Variants in CFAP70 observed in about 807,000 individuals in gnomAD.
CFAP70 encodes cilia- and flagella-associated protein 70.
CFAP70 carries 81 observed loss-of-function variants against 137.6 expected under a neutral mutation model. The observed-to-expected ratio is 0.59, with a 90% confidence interval of 0.49 to 0.71. The LOEUF is 0.71. CFAP70 is among the 30% of genes least tolerant of loss of function. The pLI is 0.00. For synonymous variants in CFAP70, 382 were observed against 423.6 expected, an observed-to-expected ratio of 0.90 and a Z score of 1.20; for missense variants, 976 against 1,226.7, an observed-to-expected ratio of 0.80 and a Z score of 3.05.
In CFAP70 at chr10:73,278,340, A is replaced by C; in HGVS notation, c.2240-3T>G. The stretch of plus-strand genomic sequence containing the variant: ...AATAGATAATGCAGCTCCTGGTCCT[A>C]AATAGATTACATTTTAATGAAAAAT... On this transcript the variant is annotated splice_polypyrimidine_tract_variant and splice_region_variant and intron_variant, in intron 19 of 26. Coordinates refer to ENST00000310715, the Ensembl canonical transcript of CFAP70. The C allele has an allele frequency of 1.9e-6, 3 of 1,606,244 alleles. No homozygotes were observed. The highest frequency in any genetic ancestry group is 2.5e-6 in the Non-Finnish European group (3 of 1,176,814).
intron 18 of CFAP70, 48 bp from the exon 20 acceptor site, chr10:73,291,492 C>A: frequency 6.4e-7 from 1 of 1,563,196 alleles, no homozygotes; most frequent in South Asian, 1.1e-5. Flanking sequence ...TTCCCACTAT[C>A]ATATACTAAA....
intron 19 of CFAP70, among the ~76,000 whole-genome samples, chr10:73,285,917 G>A (rs1209229427): frequency 1.3e-5 from 2 of 151,952 alleles, no homozygotes; most frequent in Non-Finnish European, 2.9e-5. Flanking sequence ...TTACAGACAT[G>A]AGCCACCATT....
chr10:73,288,761 T>C (rs1305693109), intron 19 of CFAP70, among the ~76,000 whole-genome samples: 1 of 152,198 alleles, frequency 6.6e-6, no homozygotes, highest in Non-Finnish European at 1.5e-5. Flanking sequence ...GACCAGACTA[T>C]AGAACTTGGA....
intron 3 of CFAP70, among the ~76,000 whole-genome samples, chr10:73,350,882 T>C (rs554088323): frequency 6.6e-6 from 1 of 151,664 alleles, no homozygotes; most frequent in Non-Finnish European, 1.5e-5. Context: ...CACCTCAGCC[T>C]CTGGAGTAGC....
chr10:73,328,080 T>C (rs1199855834), intron 8 of CFAP70, among the ~76,000 whole-genome samples: 1 of 152,166 alleles, frequency 6.6e-6, no homozygotes, highest in Non-Finnish European at 1.5e-5. Flanking sequence ...GCTACCTGAC[T>C]TCAAACTATA....
chr10:73,310,658 C>G (rs2049835569), intron 11 of CFAP70, among the ~76,000 whole-genome samples: 2 of 152,164 alleles, frequency 1.3e-5, no homozygotes, highest in South Asian at 2.1e-4. Flanking sequence ...TACCATCTAC[C>G]AACTCCAAGT....
intron 8 of CFAP70, among the ~76,000 whole-genome samples, chr10:73,324,501 G>T (rs2051196997): frequency 6.6e-6 from 1 of 152,190 alleles, no homozygotes; most frequent in African/African-American, 2.4e-5. Context: ...ACTTTGACGA[G>T]TTGAGAGAAG....
chr10:73,293,190 A>C, intron 16 of CFAP70, 73 bp downstream of exon 17: 1 of 1,491,160 alleles, frequency 6.7e-7, no homozygotes, highest in Admixed American at 2.2e-5. Flanking sequence ...TTGGATTTTA[A>C]ACAATCAAAA....
chr10:73,326,815 T>C (rs1313055048), intron 8 of CFAP70, among the ~76,000 whole-genome samples: 2 of 151,900 alleles, frequency 1.3e-5, no homozygotes, highest in African/African-American at 4.8e-5. Context: ...AATAGACCAA[T>C]AACAGGCTCT....
At chr10:73,292,097 A>G in intron 16 of CFAP70, 83 bp from the exon 18 acceptor site, 1 of 1,504,882 alleles carries the variant, frequency 6.6e-7, no homozygotes, top group Non-Finnish European at 9.0e-7. Context: ...CACTGTAAAT[A>G]CTGTAAGTTC....
chr10:73,322,710 G>A (rs904054043), intron 9 of CFAP70, among the ~76,000 whole-genome samples: 1 of 152,012 alleles, frequency 6.6e-6, no homozygotes, highest in Non-Finnish European at 1.5e-5. Context: ...ATCATACAGA[G>A]GTACCACACA....
chr10:73,285,871 G>A (rs890024886), intron 19 of CFAP70, among the ~76,000 whole-genome samples: 1 of 151,966 alleles, frequency 6.6e-6, no homozygotes, highest in African/African-American at 2.4e-5. Context: ...CTGACCTCAG[G>A]TGATCCACCC....
chr10:73,336,533 T>C (rs2052679443), intron 6 of CFAP70, among the ~76,000 whole-genome samples: 1 of 151,990 alleles, frequency 6.6e-6, no homozygotes, highest in Non-Finnish European at 1.5e-5. Flanking sequence ...CATCAGTGGA[T>C]TATCAGCTCA....
intron 10 of CFAP70, 30 bp downstream of exon 11, chr10:73,312,443 G>A: frequency 6.6e-7 from 1 of 1,526,152 alleles, no homozygotes; most frequent in Non-Finnish European, 8.9e-7. Context: ...TAATCTAAGA[G>A]GCAAAATCAT....
At chr10:73,354,936 A>G in intron 1 of CFAP70, 101 bp from the exon 2 acceptor site, 1 of 704,174 alleles carries the variant, frequency 1.4e-6, no homozygotes. Flanking sequence ...AGGAAATGCC[A>G]TAGTCCAGCA....
intron 9 of CFAP70, among the ~76,000 whole-genome samples, chr10:73,321,531 T>C (rs1276643086): frequency 6.6e-6 from 1 of 152,184 alleles, no homozygotes; most frequent in African/African-American, 2.4e-5. Context: ...TTCATAAATT[T>C]ATTACTGAAA....
intron 8 of CFAP70, among the ~76,000 whole-genome samples, chr10:73,324,921 C>T (rs1329662031): frequency 2.0e-5 from 3 of 152,162 alleles, no homozygotes; most frequent in Non-Finnish European, 4.4e-5. Flanking sequence ...TGCAGGATAT[C>T]ATCCAGGAGA....
Position 73,291,559 on chromosome 10 carries a change from G to A in CFAP70, c.2020+81C>T, listed in dbSNP as rs1002495759. 14 of 1,479,838 alleles carry A rather than the reference G, an allele frequency of 9.5e-6. No homozygotes were observed. The East Asian group carries it at 1.4e-4, about 15-fold the overall frequency. The allele number at this position is 1,479,838 out of a possible 1,614,324, so 91.7% of individuals were successfully genotyped here. A position where few individuals can be genotyped will look rare whatever the true frequency, so the allele number is the denominator to read the frequency against. ...TACCAAAGTTTAAGAACTACATGAT[G>A]AGCCATTGAAGAAGAGAAAGGAAAA... On this transcript the variant is annotated intron_variant, in intron 18 of 26. Transcript: ENST00000310715.
intron 4 of CFAP70, among the ~76,000 whole-genome samples, chr10:73,346,143 C>T (rs997270927): frequency 2.0e-5 from 3 of 151,768 alleles, no homozygotes; most frequent in African/African-American, 2.4e-5. Context: ...GTGATCCAGC[C>T]GCCTTGGCCT....
Sources: allele counts gnomAD v4.1 joint callset (sites outside exome capture counted in the v4.1 genomes callset), GRCh38; gene constraint gnomAD v4.1.1; transcripts MANE v1.5; gene names NCBI Gene and HGNC (gene_info 2026-07-23, HGNC 2026-07-21).